Variants in ZNF623 observed in about 807,000 individuals in gnomAD.
The protein encoded by ZNF623 is zinc finger protein 623.
In ZNF623, 16 loss-of-function variants were observed where a neutral mutation model predicts 24.0. The observed-to-expected ratio is 0.67, with a 90% confidence interval of 0.45 to 1.01. ZNF623 has a LOEUF of 1.01. Ranked by LOEUF, ZNF623 falls within the 50% of genes least tolerant of loss-of-function variation. The pLI is 0.00. For missense variants in ZNF623, 566 were observed against 606.5 expected (o/e 0.93, Z 0.70); for synonymous variants, 224 against 219.8 (o/e 1.02, Z -0.17).
chr8:143,645,132 AAAAAAAAAAGAG>A (rs1248685243), intron 1 of ZNF623, among the ~76,000 whole-genome samples: 1 of 139,894 alleles, frequency 7.1e-6, no homozygotes, highest in Non-Finnish European at 1.5e-5. Flanking sequence ...CCATCTCAAA[AAAAAAAAAAGAG>A]AGAAAATACA....
chr8:143,646,679 G>C (rs748081898), intron 1 of ZNF623, among the ~76,000 whole-genome samples: 1 of 151,630 alleles, frequency 6.6e-6, no homozygotes, highest in Admixed American at 6.6e-5. Flanking sequence ...TTTTGTTGTT[G>C]TTTGAGACAG....
rs1037578505 is a variant in ZNF623, at chr8:143,650,304, G to T, written c.312G>T (p.Ser104=). ...CGGACCTAGTTAGGCATCGGATTTC[G>T]CATGCTGGGGAGAAACCTTACACGT... ...FNSDLVRHRI[S]HAGEKPYTCD... is the part of the protein sequence containing the mutation. The change falls in exon 2 of 2, where the codon TCG becomes TCT. Residue 104 remains serine (S), a synonymous_variant. Coordinates refer to ENST00000526926, the MANE Select transcript of ZNF623 (RefSeq NM_001261843.2). The surrounding 1 kb of genome is among the most constrained non-coding windows in gnomAD (Gnocchi z 5.2). The T allele has an allele frequency of 1.2e-6, 2 of 1,614,080 alleles. No individual in the cohort carries two copies. The highest frequency in any genetic ancestry group is 1.7e-6 in the Non-Finnish European group (2 of 1,180,046).
intron 1 of ZNF623, among the ~76,000 whole-genome samples, chr8:143,646,942 A>G (rs1465061710): frequency 6.6e-6 from 1 of 152,176 alleles, no homozygotes; most frequent in Non-Finnish European, 1.5e-5. Context: ...TTAGGATTAC[A>G]GGAGTGAGCC....
At chr8:143,643,889 A>G (rs150421144) in intron 1 of ZNF623, among the ~76,000 whole-genome samples, 1 of 152,290 alleles carries the variant, frequency 6.6e-6, no homozygotes, top group East Asian at 1.9e-4. Flanking sequence ...GAATGTTGCT[A>G]AGAACACTCT....
chr8:143,651,103 G>A lies in ZNF623; in HGVS notation c.1111G>A (p.Ala371Thr). The change falls in exon 2 of 2, where the codon GCG (alanine) becomes ACG (threonine). Residue 371 changes from alanine to threonine, a missense_variant. By Grantham distance (58) the Ala-to-Thr change is moderately conservative (BLOSUM62 0). Around this residue, in one of 3 missense-constraint regions of ZNF623, gnomAD observed 117 missense variants for 174.2 expected, o/e 0.67. Coordinates refer to ENST00000526926, the MANE Select transcript of ZNF623 (RefSeq NM_001261843.2). Reference sequence around the variant, plus strand: ...GTATGAATGTAAGGAATGTGGGAAAGCGTTTCTCCAGAAAGCCCATCTCAC... The same window carrying A: ...GTATGAATGTAAGGAATGTGGGAAAACGTTTCTCCAGAAAGCCCATCTCAC... Reference protein sequence around the residue: ...RVYECKECGKAFLQKAHLTEH... With the variant: ...RVYECKECGKTFLQKAHLTEH... 1 of 1,614,166 alleles carries A rather than the reference G, an allele frequency of 6.2e-7. No individual in the cohort carries two copies. Among genetic ancestry groups the A allele is most frequent in the Non-Finnish European group, 8.5e-7 (1 of 1,180,028 alleles).
Position 143,650,646 on chromosome 8 carries a change from G to C in ZNF623, c.654G>C (p.Thr218=). ...SLLIRHQRIH[T]GERPYECNEC... ...TTATTCGCCATCAGAGGATTCACAC[G>C]GGAGAAAGGCCCTATGAGTGCAATG... is the stretch of plus-strand genomic sequence containing the variant. Residue 218 remains threonine, a synonymous_variant, in exon 2 of 2, where the codon ACG becomes ACC. Transcript: ENST00000526926. The surrounding 1 kb of genome is among the most constrained non-coding windows in gnomAD (Gnocchi z 5.2). 1 of 1,613,374 alleles carries C rather than the reference G, an allele frequency of 6.2e-7. No homozygotes were observed. Among genetic ancestry groups the C allele is most frequent in the South Asian group, 1.1e-5 (1 of 91,026 alleles).
Position 143,643,293 on chromosome 8 carries a change from G to C in ZNF623, c.-95-6605G>C, listed in dbSNP as rs531506048. On this transcript the variant is annotated intron_variant, in intron 1 of 1. Transcript: ENST00000526926. The stretch of plus-strand genomic sequence containing the variant: ...TGAGAGCTCAGCCCGATGACATACA[G>C]TTGCAGCTTTGCGTGACCCTGCGTG... Among the ~76,000 whole-genome samples the C allele has an allele frequency of 1.6e-3, 247 of 152,348 alleles. 1 individual carries two copies. The highest frequency in any genetic ancestry group is 5.7e-3 in the African/African-American group (238 of 41,584).
At position 143,651,590 on chromosome 8, in the gene ZNF623, G is replaced by A. The variant is rs1282250142; in HGVS notation, c.*107G>A. On this transcript the variant is annotated 3_prime_UTR_variant, in exon 2 of 2. Transcript: ENST00000526926. ...TCAGAATTTTGTGAGTCATGGATGG[G>A]GCTGCTTTTGCAGTGGGTGCCACCT... is the stretch of plus-strand genomic sequence containing the variant. 1.5e-6 allele frequency: 2 copies of A among 1,359,836 alleles called. No individual in the cohort carries two copies. The highest frequency in any genetic ancestry group is 2.0e-6 in the Non-Finnish European group (2 of 1,002,542). 84.2% of individuals were successfully genotyped at this position (1,359,836 alleles called of 1,614,324 possible). A position where few individuals can be genotyped will look rare whatever the true frequency, so the allele number is the denominator to read the frequency against.
At chr8:143,645,108 A>G (rs1163028737) in intron 1 of ZNF623, among the ~76,000 whole-genome samples, 1 of 149,154 alleles carries the variant, frequency 6.7e-6, no homozygotes, top group Non-Finnish European at 1.5e-5. Context: ...AGCCTGGGCA[A>G]TAAGAGCAAA....
At chr8:143,648,890 A>G (rs1210446463) in intron 1 of ZNF623, among the ~76,000 whole-genome samples, 1 of 151,918 alleles carries the variant, frequency 6.6e-6, no homozygotes, top group Non-Finnish European at 1.5e-5. Context: ...TTGTAAGAAG[A>G]TAGGAGAAGT....
At chr8:143,642,907 C>T (rs1815089543) in intron 1 of ZNF623, among the ~76,000 whole-genome samples, 2 of 152,172 alleles carry the variant, frequency 1.3e-5, no homozygotes, top group African/African-American at 4.8e-5. Flanking sequence ...AATGTACACA[C>T]CCCTTCTTCC....
chr8:143,648,263 C>T (rs1485582615), intron 1 of ZNF623, among the ~76,000 whole-genome samples: 4 of 152,054 alleles, frequency 2.6e-5, no homozygotes, highest in South Asian at 2.1e-4. Context: ...ATCAGTGAGG[C>T]GGGTAGGGAA....
chr8:143,651,675 G>C lies in ZNF623; in HGVS notation c.*192G>C. 1.7e-6 allele frequency: 1 copy of C among 590,756 alleles called. No homozygotes were observed. Among genetic ancestry groups the C allele is most frequent in the Non-Finnish European group, 2.9e-6 (1 of 340,856 alleles). 36.6% of individuals were successfully genotyped at this position (590,756 alleles called of 1,614,324 possible). A position where few individuals can be genotyped will look rare whatever the true frequency, so the allele number is the denominator to read the frequency against. On this transcript the variant is annotated 3_prime_UTR_variant, in exon 2 of 2. Coordinates refer to ENST00000526926, the MANE Select transcript of ZNF623 (RefSeq NM_001261843.2). The stretch of plus-strand genomic sequence containing the variant: ...CCTCAGCTGTGAGCACTGTCCTCAG[G>C]AGAGTCACAGGGCTTGACACCTGAC...
At chr8:143,636,272 C>T (rs1454042559) in intron 1 of ZNF623, 127 bp downstream of exon 1, 1 of 152,128 alleles carries the variant, frequency 6.6e-6, no homozygotes, top group African/African-American at 2.4e-5. Context: ...AGGCCGCTGC[C>T]CGCCCCGCTA....
At chr8:143,645,253 C>T (rs567532003) in intron 1 of ZNF623, among the ~76,000 whole-genome samples, 108 of 152,244 alleles carry the variant, frequency 7.1e-4, no homozygotes, top group Non-Finnish European at 1.4e-3. Context: ...ACCATCCTGG[C>T]TAACGGTGAA....
At chr8:143,644,329 T>A (rs1472953760) in intron 1 of ZNF623, among the ~76,000 whole-genome samples, 1 of 152,192 alleles carries the variant, frequency 6.6e-6, no homozygotes, top group Non-Finnish European at 1.5e-5. Context: ...AGCTCTGGTT[T>A]TTAAACGAGC....
At chr8:143,649,743 T>G in intron 1 of ZNF623, 155 bp from the exon 2 acceptor site, 2 of 894,744 alleles carry the variant, frequency 2.2e-6, no homozygotes, top group South Asian at 3.6e-5. Context: ...GGCTTGGGTG[T>G]GAGACCAGAG....
intron 1 of ZNF623, among the ~76,000 whole-genome samples, chr8:143,640,187 T>G (rs1815018543): frequency 3.9e-5 from 6 of 152,250 alleles, no homozygotes; most frequent in Admixed American, 3.3e-4. Context: ...TTAGGTATGC[T>G]GTGGTTACTA....
intron 1 of ZNF623, among the ~76,000 whole-genome samples, chr8:143,643,998 C>T (rs1019496048): frequency 2.0e-5 from 3 of 152,108 alleles, no homozygotes; most frequent in Non-Finnish European, 2.9e-5. Context: ...CAGTGCATCC[C>T]ACGTCACAGC....
Sources: allele counts gnomAD v4.1 joint callset (sites outside exome capture counted in the v4.1 genomes callset), GRCh38; gene constraint gnomAD v4.1.1; regional missense constraint gnomAD v4.1.1; non-coding constraint Gnocchi (gnomAD v3.1); transcripts MANE v1.5; gene names NCBI Gene and HGNC (gene_info 2026-07-23, HGNC 2026-07-21).